CHRNA4: variants seen among roughly 807,000 people sequenced by gnomAD.
The protein encoded by CHRNA4 is cholinergic receptor nicotinic alpha 4 subunit, also known as neuronal acetylcholine receptor subunit alpha-4.
Under a neutral mutation model 48.9 loss-of-function variants are expected in CHRNA4, and 28 were observed. That is an observed-to-expected ratio of 0.57 (90% CI 0.42 to 0.79). The LOEUF (loss-of-function observed/expected upper bound fraction) is 0.79, where lower values mean the gene tolerates loss of function less well. Ranked by LOEUF, CHRNA4 falls within the 30% of genes least tolerant of loss-of-function variation. The pLI is 0.00. For missense variants in CHRNA4, 859 were observed against 898.4 expected, an observed-to-expected ratio of 0.96 and a Z score of 0.56; for synonymous variants, 425 against 402.3, an observed-to-expected ratio of 1.06 and a Z score of -0.68.
chr20:63,346,554 G>T lies in CHRNA4; in HGVS notation c.*184C>A. 1 of 851,638 alleles carries T rather than the reference G, an allele frequency of 1.2e-6. No individual in the cohort carries two copies. Among genetic ancestry groups the T allele is most frequent in the Non-Finnish European group, 1.9e-6 (1 of 525,944 alleles). The allele number at this position is 851,638 out of a possible 1,614,324, so 52.8% of individuals were successfully genotyped here. On this transcript the variant is annotated 3_prime_UTR_variant, in exon 6 of 6. Coordinates refer to ENST00000370263, the MANE Select transcript of CHRNA4 (RefSeq NM_000744.7). Reference sequence around the variant, plus strand: ...TCCAACTGGAAGCAGCTCCACACTCGGTCTCCCCAGAGGCCGTGTCCCCGT... The same window carrying T: ...TCCAACTGGAAGCAGCTCCACACTCTGTCTCCCCAGAGGCCGTGTCCCCGT...
chr20:63,350,202 C>G lies in CHRNA4; in HGVS notation c.1209G>C (p.Pro403=). ...GGGGGACACAGAAGGACGGTGAGGG[C>G]GGGTGCAGGCTCTGGGTGCCGCTCG... ...PATSGTQSLH[P]PSPSFCVPLD... is the part of the protein sequence containing the mutation. Residue 403 remains proline, a synonymous_variant, in exon 5 of 6, where the codon CCG becomes CCC. Transcript: ENST00000370263. The G allele has an allele frequency of 6.2e-7, 1 of 1,600,580 alleles. No homozygotes were observed.
chr20:63,351,130 C>T (rs2145387725), intron 4 of CHRNA4, 103 bp from the exon 5 acceptor site: 2 of 1,173,004 alleles, frequency 1.7e-6, no homozygotes, highest in African/African-American at 1.7e-5. Flanking sequence ...CCCACACCCA[C>T]ATCCACGCCC....
intron 4 of CHRNA4, among the ~76,000 whole-genome samples, chr20:63,352,930 G>C (rs1601482715): frequency 6.6e-6 from 1 of 152,224 alleles, no homozygotes; most frequent in East Asian, 1.9e-4. Flanking sequence ...CCTTTGAGGA[G>C]AACCCCGTTT....
rs200449795 is a variant in CHRNA4 at position 63,351,044 on chromosome 20, C to A, written c.384-17G>T. The A allele has an allele frequency of 6.2e-7, 1 of 1,609,124 alleles. No homozygotes were observed. Among genetic ancestry groups the A allele is most frequent in the African/African-American group, 1.3e-5 (1 of 74,666 alleles). On this transcript the variant is annotated splice_polypyrimidine_tract_variant and intron_variant, in intron 4 of 5. Coordinates refer to ENST00000370263, the MANE Select transcript of CHRNA4 (RefSeq NM_000744.7). ...CCGTCAGCACTGGGCAGGAAGAGAG[C>A]GAAGGGTGTGAGACCCCCACATCCA...
chr20:63,358,883 C>G (rs939618762), intron 2 of CHRNA4, among the ~76,000 whole-genome samples: 11 of 152,154 alleles, frequency 7.2e-5, no homozygotes, highest in Non-Finnish European at 1.5e-5. Flanking sequence ...AGCATCTCAA[C>G]CGAGCACAAG....
At position 63,347,063 on chromosome 20, in the gene CHRNA4, G is replaced by A. The variant is rs1469616068; in HGVS notation, c.1759-200C>T. On this transcript the variant is annotated intron_variant, in intron 5 of 5. Transcript: ENST00000370263. ...ACGGGACAGCCAGTGCTCTGCGGGG[G>A]GCATCATCACCATGGTATGGGGCAG... 15 of 720,138 alleles carry A rather than the reference G, an allele frequency of 2.1e-5. No individual in the cohort carries two copies. The East Asian group carries it at 3.6e-4, about 17-fold the overall frequency. 44.6% of individuals were successfully genotyped at this position (720,138 alleles called of 1,614,324 possible). A position where few individuals can be genotyped will look rare whatever the true frequency, so the allele number is the denominator to read the frequency against.
Position 63,346,831 on chromosome 20 carries a change from G to A in CHRNA4, c.1791C>T (p.Val597=). ...ACATCCAGAGGAAGATGCGGTCGAT[G>A]ACCATGGCCACGTACTTCCAGTCCT... is the stretch of plus-strand genomic sequence containing the variant. ...VKEDWKYVAM[V]IDRIFLWMFI... The change falls in exon 6 of 6, where the codon GTC becomes GTT. Residue 597 remains valine (V), a synonymous_variant. Transcript: ENST00000370263. 6.2e-7 allele frequency: 1 copy of A among 1,612,640 alleles called. No individual in the cohort carries two copies. Among genetic ancestry groups the A allele is most frequent in the Non-Finnish European group, 8.5e-7 (1 of 1,179,662 alleles).
chr20:63,353,449 A>AG (rs1272520347), intron 4 of CHRNA4, among the ~76,000 whole-genome samples: 1 of 90,428 alleles, frequency 1.1e-5, no homozygotes, highest in Admixed American at 1.2e-4. Context: ...CTGTGGTCCT[A>AG]GGGGGCTGTG....
In CHRNA4 at chr20:63,361,202, T is replaced by A. The variant is rs988997699; in HGVS notation, c.-37A>T. 2 of 1,449,416 alleles carry A rather than the reference T, an allele frequency of 1.4e-6. No homozygotes were observed. The highest frequency in any genetic ancestry group is 5.0e-5 in the Admixed American group (2 of 39,930). The allele number at this position is 1,449,416 out of a possible 1,614,324, so 89.8% of individuals were successfully genotyped here. Reference sequence around the variant, plus strand: ...CTCGCGGGCTCTAGATGCGGGCGGCTCCCGGCTCCCCGCCGCTTCGAGGCC... The same window carrying A: ...CTCGCGGGCTCTAGATGCGGGCGGCACCCGGCTCCCCGCCGCTTCGAGGCC... On this transcript the variant is annotated 5_prime_UTR_variant, in exon 1 of 6. Coordinates refer to ENST00000370263, the MANE Select transcript of CHRNA4 (RefSeq NM_000744.7).
rs200615176 is a variant in CHRNA4 at position 63,344,119 on chromosome 20, A to G, written c.*2619T>C. The G allele has an allele frequency of 6.6e-6, 3 of 454,020 alleles. No homozygotes were observed. The highest frequency in any genetic ancestry group is 1.3e-5 in the Non-Finnish European group (3 of 226,816). 28.1% of individuals were successfully genotyped at this position (454,020 alleles called of 1,614,324 possible). A position where few individuals can be genotyped will look rare whatever the true frequency, so the allele number is the denominator to read the frequency against. On this transcript the variant is annotated 3_prime_UTR_variant, in exon 6 of 6. Coordinates refer to ENST00000370263, the MANE Select transcript of CHRNA4 (RefSeq NM_000744.7). This position sits in a 1 kb window ranked among gnomAD's most constrained non-coding sequence, Gnocchi z 4.5. The stretch of plus-strand genomic sequence containing the variant: ...TTCAGACAGAAGAACACTGCTCACA[A>G]TTAAAAACGAAGGAACAGACAGCAA...
chr20:63,350,133 G>A lies in CHRNA4; in HGVS notation c.1278C>T (p.Ser426=), dbSNP rs202169925. ...AEPGPSCKSP[S]DQLPPQQPLE... ...GGGGCTGCTGAGGAGGGAGCTGGTC[G>A]GAGGGTGACTTGCAGGAAGGCCCAG... Residue 426 remains serine (S), a synonymous_variant, in exon 5 of 6, where the codon TCC becomes TCT. Coordinates refer to ENST00000370263, the MANE Select transcript of CHRNA4 (RefSeq NM_000744.7). 131 of 1,565,410 alleles carry A rather than the reference G, an allele frequency of 8.4e-5. No homozygotes were observed. The East Asian group carries it at 2.2e-3, about 27-fold the overall frequency.
Position 63,361,256 on chromosome 20 carries a change from G to A in CHRNA4, c.-91C>T. 1.4e-6 allele frequency: 2 copies of A among 1,397,824 alleles called. No homozygotes were observed. The highest frequency in any genetic ancestry group is 1.9e-6 in the Non-Finnish European group (2 of 1,078,250). The allele number at this position is 1,397,824 out of a possible 1,614,324, so 86.6% of individuals were successfully genotyped here. ...GCGCGCCCAACTTCATGCCTCCCGC[G>A]CCTCGCGGGCCGCTTCGGCCGCCGG... On this transcript the variant is annotated 5_prime_UTR_variant, in exon 1 of 6. Coordinates refer to ENST00000370263, the MANE Select transcript of CHRNA4 (RefSeq NM_000744.7).
At chr20:63,357,024 AACCACGTCCCCACAGG>A (rs2068729229) in intron 2 of CHRNA4, among the ~76,000 whole-genome samples, 1 of 116,496 alleles carries the variant, frequency 8.6e-6, no homozygotes, top group African/African-American at 3.4e-5. Context: ...ATCCCCACAG[AACCACGTCCCCACAGG>A]ACCACAACCC....
chr20:63,354,517 T>TG, intron 4 of CHRNA4: 1 of 906,498 alleles, frequency 1.1e-6, no homozygotes, highest in Non-Finnish European at 1.3e-6. Flanking sequence ...ACTGTGGTCC[T>TG]GGGGGAGCTG....
At position 63,344,842 on chromosome 20, in the gene CHRNA4, T is replaced by C; in HGVS notation, c.*1896A>G. 9.0e-6 allele frequency: 4 copies of C among 445,056 alleles called. 1 individual carries two copies. The highest frequency in any genetic ancestry group is 1.8e-5 in the Non-Finnish European group (4 of 221,714). 27.6% of individuals were successfully genotyped at this position (445,056 alleles called of 1,614,324 possible). A position where few individuals can be genotyped will look rare whatever the true frequency, so the allele number is the denominator to read the frequency against. ...CTGGCCGAGGAGCAGCAGGGGCTGA[T>C]GGCAGAGCGGGGGCAGGTCAGAGCT... On this transcript the variant is annotated 3_prime_UTR_variant, in exon 6 of 6. Transcript: ENST00000370263. This position sits in a 1 kb window ranked among gnomAD's most constrained non-coding sequence, Gnocchi z 4.5.
rs201700450 is a variant in CHRNA4 at position 63,345,311 on chromosome 20, G to C, written c.*1427C>G. On this transcript the variant is annotated 3_prime_UTR_variant, in exon 6 of 6. Coordinates refer to ENST00000370263, the MANE Select transcript of CHRNA4 (RefSeq NM_000744.7). The surrounding 1 kb of genome is among the most constrained non-coding windows in gnomAD (Gnocchi z 5.4). ...CAGAATGTGGACCACTCAGCAGGAG[G>C]CTTCCTGACTGTCTCCTCCTGAACC... The C allele has an allele frequency of 1.5e-5, 7 of 453,412 alleles. No homozygotes were observed. The highest frequency in any genetic ancestry group is 3.1e-5 in the Non-Finnish European group (7 of 226,458). 28.1% of individuals were successfully genotyped at this position (453,412 alleles called of 1,614,324 possible). A position where few individuals can be genotyped will look rare whatever the true frequency, so the allele number is the denominator to read the frequency against.
Position 63,343,931 on chromosome 20 carries a change from G to A in CHRNA4, c.*2807C>T. 1 of 454,112 alleles carries A rather than the reference G, an allele frequency of 2.2e-6. No homozygotes were observed. The highest frequency in any genetic ancestry group is 4.4e-6 in the Non-Finnish European group (1 of 226,790). The allele number at this position is 454,112 out of a possible 1,614,324, so 28.1% of individuals were successfully genotyped here. On this transcript the variant is annotated 3_prime_UTR_variant, in exon 6 of 6. Transcript: ENST00000370263. ...CCCGGGAACTAACTGGCCCTAGGAGGAGCAGTCCTGGGTCTGAAAGATGTT... is the reference window on the plus strand; with the variant it reads ...CCCGGGAACTAACTGGCCCTAGGAGAAGCAGTCCTGGGTCTGAAAGATGTT...
At chr20:63,358,683 C>T (rs1485150940) in intron 2 of CHRNA4, among the ~76,000 whole-genome samples, 4 of 152,218 alleles carry the variant, frequency 2.6e-5, no homozygotes, top group South Asian at 2.1e-4. Flanking sequence ...CCAACCTGCC[C>T]TCCTCCATGG....
Position 63,343,348 on chromosome 20 carries a change from G to A in CHRNA4, c.*3390C>T, listed in dbSNP as rs1341565458. The A allele has an allele frequency of 6.6e-6, 3 of 452,852 alleles. No homozygotes were observed. The highest frequency in any genetic ancestry group is 3.1e-5 in the South Asian group (2 of 64,474). The allele number at this position is 452,852 out of a possible 1,614,324, so 28.1% of individuals were successfully genotyped here. A position where few individuals can be genotyped will look rare whatever the true frequency, so the allele number is the denominator to read the frequency against. On this transcript the variant is annotated 3_prime_UTR_variant, in exon 6 of 6. Transcript: ENST00000370263. ...GGCTCGGCGGGCCACACGGTCGGCGGGGCTTGGTCCATGGGGCTGGCCGGG... is the reference window on the plus strand; with the variant it reads ...GGCTCGGCGGGCCACACGGTCGGCGAGGCTTGGTCCATGGGGCTGGCCGGG...
Sources: gnomAD v4.1 joint callset for allele counts (sites outside exome capture counted in the v4.1 genomes callset) on GRCh38, gnomAD v4.1.1 for gene constraint, Gnocchi (gnomAD v3.1) non-coding constraint, MANE v1.5 for transcripts, NCBI Gene and HGNC (gene_info 2026-07-23, HGNC 2026-07-21) for gene names.